Variants in MTSS1 observed in about 807,000 individuals in gnomAD.
The protein encoded by MTSS1 is MTSS I-BAR domain containing 1, also known as protein MTSS 1.
In MTSS1, 18 loss-of-function variants were observed where a neutral mutation model predicts 79.0. The ratio of observed to expected loss-of-function variants is 0.23; its 90% CI spans 0.16 to 0.34. The LOEUF (loss-of-function observed/expected upper bound fraction) is 0.34. Among genes scored for constraint, MTSS1 ranks in the 10% least tolerant of loss-of-function variants. MTSS1 has a pLI of 1.00. For synonymous variants in MTSS1, 341 were observed against 368.6 expected, an observed-to-expected ratio of 0.93 and a Z score of 0.86; for missense variants, 815 against 986.2, an observed-to-expected ratio of 0.83 and a Z score of 2.33.
chr8:124,595,083 G>A (rs1832526049), intron 3 of MTSS1, among the ~76,000 whole-genome samples: 1 of 152,174 alleles, frequency 6.6e-6, no homozygotes, highest in Non-Finnish European at 1.5e-5. Context: ...TTACCATTTT[G>A]AGAGCAAACC....
intron 3 of MTSS1, among the ~76,000 whole-genome samples, chr8:124,693,422 T>C (rs1275244434): frequency 6.6e-6 from 1 of 152,204 alleles, no homozygotes; most frequent in South Asian, 2.1e-4. Context: ...CCTTGAAATC[T>C]GTCCCTTAAA....
Position 124,597,415 on chromosome 8 carries a change from T to C in MTSS1, c.209-6180A>G, listed in dbSNP as rs1832951119. On this transcript the variant is annotated intron_variant, in intron 3 of 13. Coordinates refer to ENST00000518547, the MANE Select transcript of MTSS1 (RefSeq NM_014751.6). The surrounding 1 kb of genome is among the most constrained non-coding windows in gnomAD (Gnocchi z 4.6). ...AGGCACATTAAAGTCACAAACAGAA[T>C]ACAAATTGTTTAATGCATATTTGGG... is the stretch of plus-strand genomic sequence containing the variant. Among the ~76,000 whole-genome samples the C allele has an allele frequency of 6.6e-6, 1 of 152,110 alleles. No homozygotes were observed. Among genetic ancestry groups the C allele is most frequent in the South Asian group, 2.1e-4 (1 of 4,822 alleles).
At chr8:124,589,536 T>A (rs1452722663) in intron 5 of MTSS1, 84 bp downstream of exon 5, 1 of 1,079,998 alleles carries the variant, frequency 9.3e-7, no homozygotes, top group Non-Finnish European at 1.4e-6. Context: ...CCAATAAACC[T>A]AGCAGAGGGG....
intron 3 of MTSS1, among the ~76,000 whole-genome samples, chr8:124,679,524 C>T (rs1280678550): frequency 6.6e-6 from 1 of 152,224 alleles, no homozygotes; most frequent in Non-Finnish European, 1.5e-5. Context: ...CACGGTCTTC[C>T]ATTCTGGACA....
At chr8:124,721,167 G>A (rs550420808) in intron 1 of MTSS1, among the ~76,000 whole-genome samples, 10 of 152,054 alleles carry the variant, frequency 6.6e-5, no homozygotes, top group South Asian at 6.3e-4. Context: ...AGCCATACAC[G>A]GCTATTTAAA....
intron 1 of MTSS1, among the ~76,000 whole-genome samples, chr8:124,710,640 T>G (rs574330040): frequency 1.3e-5 from 2 of 152,182 alleles, no homozygotes; most frequent in Non-Finnish European, 2.9e-5. Context: ...TGTTTCCTAT[T>G]GAACAGAGGC....
chr8:124,629,493 A>ACGACAGAGAG, intron 3 of MTSS1, among the ~76,000 whole-genome samples: 1 of 104,630 alleles, frequency 9.6e-6, no homozygotes, highest in Admixed American at 9.3e-5. Context: ...TCCAGCCTGA[A>ACGACAGAGAG]TGACTCCGTC....
intron 3 of MTSS1, among the ~76,000 whole-genome samples, chr8:124,640,141 A>G (rs1313743842): frequency 6.6e-6 from 1 of 152,200 alleles, no homozygotes; most frequent in Non-Finnish European, 1.5e-5. Flanking sequence ...AGGCCTCACC[A>G]GCTGGTAGAT....
rs978982521 is a variant in MTSS1, at chr8:124,551,499, A to G, written c.*1493T>C. ...ATGTGTTAAAGCATAAGATTAGGTA[A>G]TTGAGGGTTAGAGCCAACAGGAATC... is the stretch of plus-strand genomic sequence containing the variant. On this transcript the variant is annotated 3_prime_UTR_variant, in exon 14 of 14. Transcript: ENST00000518547. The G allele has an allele frequency of 1.3e-5, 2 of 152,624 alleles. No homozygotes were observed. Among genetic ancestry groups the G allele is most frequent in the African/African-American group, 4.8e-5 (2 of 41,440 alleles). 9.5% of individuals were successfully genotyped at this position (152,624 alleles called of 1,614,324 possible). A position where few individuals can be genotyped will look rare whatever the true frequency, so the allele number is the denominator to read the frequency against.
intron 3 of MTSS1, among the ~76,000 whole-genome samples, chr8:124,650,887 C>T (rs1819844309): frequency 6.6e-6 from 1 of 152,224 alleles, no homozygotes; most frequent in Non-Finnish European, 1.5e-5. Context: ...TTCAACTCCT[C>T]CACCTAGTAG....
chr8:124,660,051 AC>A (rs1164708875), intron 3 of MTSS1, among the ~76,000 whole-genome samples: 1 of 151,918 alleles, frequency 6.6e-6, no homozygotes, highest in Non-Finnish European at 1.5e-5. Context: ...GAAAAGTACC[AC>A]CCCCCAGAAA....
At chr8:124,617,795 T>A (rs1812691522) in intron 3 of MTSS1, among the ~76,000 whole-genome samples, 1 of 152,194 alleles carries the variant, frequency 6.6e-6, no homozygotes, top group Non-Finnish European at 1.5e-5. Context: ...TCGCTTGAAG[T>A]AGTAACCTGG....
chr8:124,690,655 G>C (rs1008925150), intron 3 of MTSS1, among the ~76,000 whole-genome samples: 1 of 152,166 alleles, frequency 6.6e-6, no homozygotes, highest in African/African-American at 2.4e-5. Flanking sequence ...TTGTCAAATG[G>C]GGAACAGTGC....
At chr8:124,563,325 G>A (rs939104657) in intron 9 of MTSS1, 5 of 319,574 alleles carry the variant, frequency 1.6e-5, no homozygotes, top group Non-Finnish European at 2.4e-5. Flanking sequence ...CTGCTGCTTC[G>A]CCTACCACCA....
chr8:124,686,009 C>T (rs948872823), intron 3 of MTSS1, among the ~76,000 whole-genome samples: 2 of 152,218 alleles, frequency 1.3e-5, no homozygotes, highest in African/African-American at 4.8e-5. Context: ...AGCACCACGA[C>T]CTCTCATCAC....
At chr8:124,699,157 T>A (rs1260393685) in intron 3 of MTSS1, 1 of 230,568 alleles carries the variant, frequency 4.3e-6, no homozygotes, top group Non-Finnish European at 8.5e-6. Context: ...TCATCCCTAC[T>A]GCTTCCCATT....
intron 3 of MTSS1, among the ~76,000 whole-genome samples, chr8:124,662,260 T>C (rs1008703891): frequency 6.6e-6 from 1 of 152,128 alleles, no homozygotes; most frequent in Non-Finnish European, 1.5e-5. Flanking sequence ...TGAGAATGAA[T>C]AGAAGCTGCC....
chr8:124,672,097 G>A (rs1269884932), intron 3 of MTSS1, among the ~76,000 whole-genome samples: 1 of 152,234 alleles, frequency 6.6e-6, no homozygotes, highest in East Asian at 1.9e-4. Flanking sequence ...TACTAATTAA[G>A]AATGTAATTT....
rs568990349 is a variant in MTSS1, at chr8:124,556,343, C to T, written c.1293G>A (p.Glu431=). 2.5e-6 allele frequency: 4 copies of T among 1,614,236 alleles called. No homozygotes were observed. The African/African-American group carries it at 5.3e-5, about 21-fold the overall frequency. Residue 431 remains glutamate, a synonymous_variant, in exon 12 of 14, where the codon GAG becomes GAA. Coordinates refer to ENST00000518547, the MANE Select transcript of MTSS1 (RefSeq NM_014751.6). ...CCCCGTTGGGGTCCGGTTCTCGCTT[C>T]TCTTTGCGGCGCTGCAGGGTGTTCA... The part of the protein sequence containing the change: ...PLVNTLQRRK[E]KREPDPNGGG...
Sources: allele counts gnomAD v4.1 joint callset (sites outside exome capture counted in the v4.1 genomes callset), GRCh38; gene constraint gnomAD v4.1.1; non-coding constraint Gnocchi (gnomAD v3.1); transcripts MANE v1.5; gene names NCBI Gene and HGNC (gene_info 2026-07-23, HGNC 2026-07-21).